Variants in MTMR4 observed in about 807,000 individuals in gnomAD.
MTMR4 encodes myotubularin related protein 4.
In MTMR4, 30 loss-of-function variants were observed where a neutral mutation model predicts 125.5. That is an observed-to-expected ratio of 0.24 (90% confidence interval 0.18 to 0.32). The LOEUF (loss-of-function observed/expected upper bound fraction) is 0.32, where lower values mean the gene tolerates loss of function less well. Ranked by LOEUF, MTMR4 falls within the 10% of genes least tolerant of loss-of-function variation. MTMR4 has a pLI of 1.00. For missense variants in MTMR4, 1,039 were observed against 1,511.5 expected, an observed-to-expected ratio of 0.69 and a Z score of 5.18; for synonymous variants, 498 against 564.5, an observed-to-expected ratio of 0.88 and a Z score of 1.67.
In MTMR4 at chr17:58,492,593, G is replaced by A. The variant is rs139338138; in HGVS notation, c.3370C>T (p.Arg1124Cys). 110 of 1,613,724 alleles carry A rather than the reference G, an allele frequency of 6.8e-5. No individual in the cohort carries two copies. Among genetic ancestry groups the A allele is most frequent in the East Asian group, 2.2e-5 (1 of 44,900 alleles). The change falls in exon 17 of 18, where the codon CGC becomes TGC. Residue 1124 changes from arginine (R) to cysteine (C), a missense_variant. Physicochemically the swap from Arg to Cys is radical, Grantham distance 180 (BLOSUM62 -3). Transcript: ENST00000682306. ...GATGCCATATGGTCTGGAACCCAGC[G>A]AGTCACCTAATAGAAGGCACAAAGA... ...PVDKKETEVT[R>C]WVPDHMASHC...
Position 58,491,681 on chromosome 17 carries a change from A to G in MTMR4, c.3612T>C (p.Ile1204=). The change falls in exon 18 of 18, where the codon ATT becomes ATC. Residue 1204 remains isoleucine (I), a synonymous_variant. Coordinates refer to ENST00000682306, the MANE Select transcript of MTMR4 (RefSeq NM_001378067.1). ...ELMSQQLKKP[I]ATASS ...CCGGCATTCAACTGGAAGCTGTAGCAATGGGTTTCTTCAGCTGTTGGCTCA... is the reference window on the plus strand; with the variant it reads ...CCGGCATTCAACTGGAAGCTGTAGCGATGGGTTTCTTCAGCTGTTGGCTCA... 1 of 1,613,890 alleles carries G rather than the reference A, an allele frequency of 6.2e-7. No homozygotes were observed. Among genetic ancestry groups the G allele is most frequent in the Non-Finnish European group, 8.5e-7 (1 of 1,179,792 alleles).
At chr17:58,507,020 G>C in intron 8 of MTMR4, 103 bp downstream of exon 8, 2 of 1,559,500 alleles carry the variant, frequency 1.3e-6, no homozygotes, top group Admixed American at 1.7e-5. Context: ...CCAGCACCCC[G>C]TGTGTTGTCA....
rs1434146532 is a variant in MTMR4, at chr17:58,506,765, C to T, written c.1011G>A (p.Lys337=). The stretch of plus-strand genomic sequence containing the variant: ...TACCTTCACATTCACAGCCTCCACC[C>T]TTGGCCCGGTTGGCCACTGCTGCCG... ...SYTAAVANRA[K]GGGCECEEYY... Residue 337 remains lysine (K), a synonymous_variant, in exon 9 of 18, where the codon AAG becomes AAA. Coordinates refer to ENST00000682306, the MANE Select transcript of MTMR4 (RefSeq NM_001378067.1). The T allele has an allele frequency of 6.2e-7, 1 of 1,613,922 alleles. No homozygotes were observed. Among genetic ancestry groups the T allele is most frequent in the Non-Finnish European group, 8.5e-7 (1 of 1,180,018 alleles).
chr17:58,494,793 GCTTA>G (rs1374164999), intron 15 of MTMR4, 135 bp downstream of exon 15: 6 of 721,072 alleles, frequency 8.3e-6, no homozygotes, highest in African/African-American at 1.8e-5. Context: ...CATTCTAATT[GCTTA>G]CTTGTTTTTC....
At chr17:58,511,168 C>T (rs758821130) in intron 4 of MTMR4, 5 of 326,636 alleles carry the variant, frequency 1.5e-5, no homozygotes, top group South Asian at 7.6e-5. Context: ...ATATTGTCCT[C>T]GGTGCTTTCA....
rs1214799549 is a variant in MTMR4, at chr17:58,508,174, C to T, written c.694G>A (p.Val232Met). Residue 232 changes from valine (V) to methionine (M), a missense_variant, in exon 7 of 18, where the codon GTG becomes ATG. Val to Met is a conservative substitution (Grantham distance 21). Around this residue, in one of 6 missense-constraint regions of MTMR4, gnomAD observed 202 missense variants for 311.9 expected, o/e 0.65. Coordinates refer to ENST00000682306, the MANE Select transcript of MTMR4 (RefSeq NM_001378067.1). The surrounding 1 kb of genome is among the most constrained non-coding windows in gnomAD (Gnocchi z 4.8). ...ASFRSWKRIPVVVYRHLRNGA... is the reference protein window; with the variant it reads ...ASFRSWKRIPMVVYRHLRNGA... Reference sequence around the variant, plus strand: ...CCACTGCCTCACCTATACACAACCACGGGAATCCGCTTCCAGGAGCGGAAG... The same window carrying T: ...CCACTGCCTCACCTATACACAACCATGGGAATCCGCTTCCAGGAGCGGAAG... The T allele has an allele frequency of 1.2e-6, 2 of 1,613,626 alleles. No homozygotes were observed. The highest frequency in any genetic ancestry group is 1.7e-6 in the Non-Finnish European group (2 of 1,179,928).
Position 58,495,583 on chromosome 17 carries a change from C to G in MTMR4, c.2601G>C (p.Val867=). ...CTTCCTCCCCATGGGTCAGATCCGG[C>G]ACAGAACTCAGTTGTTCCTGGTGGG... The part of the protein sequence containing the change: ...SISHQEQLSS[V]PDLTHGEEDI... The change falls in exon 15 of 18, where the codon GTG becomes GTC. Residue 867 remains valine (V), a synonymous_variant. Transcript: ENST00000682306. 1 of 1,614,192 alleles carries G rather than the reference C, an allele frequency of 6.2e-7. No individual in the cohort carries two copies. The highest frequency in any genetic ancestry group is 1.1e-5 in the South Asian group (1 of 91,084).
intron 1 of MTMR4, chr17:58,514,107 G>C (rs1976016345): frequency 6.0e-6 from 1 of 165,852 alleles, no homozygotes; most frequent in Non-Finnish European, 1.2e-5. Flanking sequence ...GCGGGGCCTA[G>C]AGATCTGCAG....
rs1975437431 is a variant in MTMR4 at position 58,495,482 on chromosome 17, A to C, written c.2702T>G (p.Leu901Trp). Residue 901 changes from leucine to tryptophan, a missense_variant, in exon 15 of 18, where the codon TTG becomes TGG. By Grantham distance (61) the Leu-to-Trp change is moderately conservative (BLOSUM62 -2). Around this residue, in one of 6 missense-constraint regions of MTMR4, gnomAD observed 619 missense variants for 714.5 expected, o/e 0.87. Transcript: ENST00000682306. ...NPRFGKMPLE[L>W]VRKPISQSQI... is the part of the protein sequence containing the mutation. ...GCTCTGAGAAATTGGCTTCCGGACCAATTCCAATGGCATTTTCCCAAAGCG... is the reference window on the plus strand; with the variant it reads ...GCTCTGAGAAATTGGCTTCCGGACCCATTCCAATGGCATTTTCCCAAAGCG... 6.2e-7 allele frequency: 1 copy of C among 1,614,250 alleles called. No homozygotes were observed. The highest frequency in any genetic ancestry group is 8.5e-7 in the Non-Finnish European group (1 of 1,180,054).
Position 58,502,085 on chromosome 17 carries a change from A to C in MTMR4, c.1853+1659T>G, listed in dbSNP as rs191565245. ...AACAAAAAAACAAAACAAAAAAAAA[A>C]CACACAAAGTAACCCTACTAAACTA... On this transcript the variant is annotated intron_variant, in intron 14 of 17. Coordinates refer to ENST00000682306, the MANE Select transcript of MTMR4 (RefSeq NM_001378067.1). Among the ~76,000 whole-genome samples, 1,075 of 151,722 alleles carry C rather than the reference A, an allele frequency of 7.1e-3. 12 individuals carry two copies. Among genetic ancestry groups the C allele is most frequent in the Non-Finnish European group, 0.011 (714 of 67,920 alleles).
Position 58,507,301 on chromosome 17 carries a change from A to C in MTMR4, c.726T>G (p.Ala242=), listed in dbSNP as rs1975804060. ...VVVYRHLRNG[A]AIARCSQPEI... ...CTGGCTGGCTGCAGCGGGCGATGGC[A>C]GCCCCATTGCGCAAGTGTCTGACAA... The change falls in exon 8 of 18, where the codon GCT becomes GCG. Residue 242 remains alanine (A), a synonymous_variant. Coordinates refer to ENST00000682306, the MANE Select transcript of MTMR4 (RefSeq NM_001378067.1). The C allele has an allele frequency of 6.2e-7, 1 of 1,613,376 alleles. No individual in the cohort carries two copies. Among genetic ancestry groups the C allele is most frequent in the African/African-American group, 1.3e-5 (1 of 74,918 alleles).
rs752279141 is a variant in MTMR4, at chr17:58,495,816, A to G, written c.2368T>C (p.Cys790Arg). Residue 790 changes from cysteine to arginine, a missense_variant, in exon 15 of 18, where the codon TGT becomes CGT. Transcript: ENST00000682306. The part of the protein sequence containing the change: ...KVISNKCDGV[C>R]NFPESSQNSP... ...TTCTGGGAAGACTCAGGAAAATTACAAACTCCATCACACTTGTTAGAAATG... is the reference window on the plus strand; with the variant it reads ...TTCTGGGAAGACTCAGGAAAATTACGAACTCCATCACACTTGTTAGAAATG... 9 of 1,614,040 alleles carry G rather than the reference A, an allele frequency of 5.6e-6. No individual in the cohort carries two copies. In the Admixed American group the frequency reaches 1.0e-4, roughly 18 times the overall value.
At chr17:58,491,925 C>G (rs1975324333) in intron 17 of MTMR4, 85 bp from the exon 18 acceptor site, 1 of 1,318,386 alleles carries the variant, frequency 7.6e-7, no homozygotes. Flanking sequence ...AATCCCTGCA[C>G]TTTGGTAGGC....
Position 58,496,334 on chromosome 17 carries a change from G to C in MTMR4, c.1854-4C>G. On this transcript the variant is annotated splice_polypyrimidine_tract_variant and splice_region_variant and intron_variant, in intron 14 of 17. Transcript: ENST00000682306. ...CATGGATCTGGTTTTAGGTAATCTG[G>C]AAAGACAAATATAACACCTCCAGGT... 6.3e-7 allele frequency: 1 copy of C among 1,595,872 alleles called. No homozygotes were observed. The highest frequency in any genetic ancestry group is 8.5e-7 in the Non-Finnish European group (1 of 1,171,094).
chr17:58,506,638 A>C (rs1414571991), intron 9 of MTMR4, 105 bp downstream of exon 9: 1 of 1,439,918 alleles, frequency 6.9e-7, no homozygotes, highest in African/African-American at 1.4e-5. Context: ...ATTACAAGCC[A>C]GGTTTGTTTG....
intron 1 of MTMR4, among the ~76,000 whole-genome samples, chr17:58,513,541 T>G (rs1016570560): frequency 6.6e-6 from 1 of 152,038 alleles, no homozygotes; most frequent in Non-Finnish European, 1.5e-5. Context: ...AAGCCCCCAT[T>G]ACCTGCCAAG....
In MTMR4 at chr17:58,514,450, C is replaced by G; in HGVS notation, c.-43G>C. 1.0e-6 allele frequency: 1 copy of G among 985,130 alleles called. No individual in the cohort carries two copies. Among genetic ancestry groups the G allele is most frequent in the South Asian group, 4.7e-5 (1 of 21,294 alleles). The allele number at this position is 985,130 out of a possible 1,614,324, so 61.0% of individuals were successfully genotyped here. A position where few individuals can be genotyped will look rare whatever the true frequency, so the allele number is the denominator to read the frequency against. ...GCCAGCGCACATGTCCCCGGAGCCG[C>G]TGCGCTGCCCGCCAGCCCCGGGCGC... is the stretch of plus-strand genomic sequence containing the variant. On this transcript the variant is annotated 5_prime_UTR_variant, in exon 1 of 18. Transcript: ENST00000682306.
In MTMR4 at chr17:58,495,424, G is replaced by A; in HGVS notation, c.2760C>T (p.Asn920=). The A allele has an allele frequency of 6.2e-7, 1 of 1,614,254 alleles. No individual in the cohort carries two copies. Among genetic ancestry groups the A allele is most frequent in the Non-Finnish European group, 8.5e-7 (1 of 1,180,048 alleles). ...TCACCATCCCTTGGAAGCTGTCCCA[G>A]TTGGACCCTAGAAAAGAGAACTCAC... ...QISEFSFLGS[N]WDSFQGMVTS... Residue 920 remains asparagine, a synonymous_variant, in exon 15 of 18, where the codon AAC becomes AAT. Coordinates refer to ENST00000682306, the MANE Select transcript of MTMR4 (RefSeq NM_001378067.1).
intron 14 of MTMR4, 72 bp from the exon 15 acceptor site, chr17:58,496,402 A>G (rs139764126): frequency 2.4e-6 from 3 of 1,241,186 alleles, no homozygotes; most frequent in East Asian, 4.8e-5. Flanking sequence ...AACTGAATCA[A>G]TGGAGCAATA....
Sources: allele counts gnomAD v4.1 joint callset (sites outside exome capture counted in the v4.1 genomes callset), GRCh38; gene constraint gnomAD v4.1.1; regional missense constraint gnomAD v4.1.1; non-coding constraint Gnocchi (gnomAD v3.1); transcripts MANE v1.5; gene names NCBI Gene and HGNC (gene_info 2026-07-23, HGNC 2026-07-21).